The following RBFOX1 variants were observed in gnomAD, a reference collection of about 807,000 sequenced individuals.
RBFOX1 encodes the protein RNA binding protein fox-1 homolog 1.
A neutral mutation model predicts 57.7 loss-of-function variants in RBFOX1; 8 were observed. The ratio of observed to expected loss-of-function variants is 0.14; its 90% CI spans 0.08 to 0.25. The LOEUF (loss-of-function observed/expected upper bound fraction) is 0.25. Among genes scored for constraint, RBFOX1 ranks in the 10% least tolerant of loss-of-function variants. RBFOX1 has a pLI of 1.00. For missense variants in RBFOX1, 611 were observed against 548.5 expected (o/e 1.11, Z -1.14); for synonymous variants, 326 against 222.4 (o/e 1.47, Z -4.15).
chr16:6,727,131 T>TAA (rs1555736685), intron 3 of RBFOX1, among the ~76,000 whole-genome samples: 1 of 148,490 alleles, frequency 6.7e-6, no homozygotes, highest in Non-Finnish European at 1.5e-5. Flanking sequence ...TGTGTATATA[T>TAA]AAAACATGTA....
chr16:5,899,407 C>G (rs983215241), intron 4 of RBFOX1, among the ~76,000 whole-genome samples: 1 of 151,988 alleles, frequency 6.6e-6, no homozygotes, highest in Admixed American at 6.6e-5. Context: ...GAGGTGGTGA[C>G]AAGCTGAGAC....
intron 3 of RBFOX1, among the ~76,000 whole-genome samples, chr16:5,861,282 C>A (rs952894345): frequency 6.6e-6 from 1 of 152,150 alleles, no homozygotes; most frequent in East Asian, 1.9e-4. Context: ...ATGCTTACAC[C>A]CCCGTGCCAC....
chr16:7,707,852 C>G (rs879112601), intron 14 of RBFOX1, among the ~76,000 whole-genome samples: 5 of 152,192 alleles, frequency 3.3e-5, no homozygotes, highest in African/African-American at 1.2e-4. Context: ...TTGCCCCTCT[C>G]TTCCTCTTGA....
chr16:7,175,249 C>T (rs1051333362), intron 4 of RBFOX1, among the ~76,000 whole-genome samples: 12 of 151,816 alleles, frequency 7.9e-5, no homozygotes, highest in African/African-American at 2.7e-4. Flanking sequence ...TCTCCCTGTG[C>T]CCATGTATTT....
chr16:6,495,137 G>T (rs369463860), intron 2 of RBFOX1, among the ~76,000 whole-genome samples: 3 of 152,044 alleles, frequency 2.0e-5, no homozygotes, highest in Non-Finnish European at 4.4e-5. Flanking sequence ...TATTTATTTT[G>T]AGATGAACTT....
intron 3 of RBFOX1, among the ~76,000 whole-genome samples, chr16:6,923,458 G>A (rs1053272803): frequency 2.6e-5 from 4 of 152,134 alleles, no homozygotes; most frequent in Non-Finnish European, 5.9e-5. Context: ...GCTGGAAACC[G>A]GGAGGTGGAG....
chr16:7,204,513 A>G (rs1414361367), intron 4 of RBFOX1, among the ~76,000 whole-genome samples: 1 of 152,128 alleles, frequency 6.6e-6, no homozygotes, highest in Middle Eastern at 3.2e-3. Context: ...AGGCATGGTG[A>G]TATGCACCTG....
In RBFOX1 at chr16:5,244,111, G is replaced by C. The variant is rs2062235707; in HGVS notation, c.219+4006G>C. Reference sequence around the variant, plus strand: ...GAGGTTTCACCACGTTGGCCAGGCTGGTCTCAAACTCCTGACCTGAGGTGA... The same window carrying C: ...GAGGTTTCACCACGTTGGCCAGGCTCGTCTCAAACTCCTGACCTGAGGTGA... On this transcript the variant is annotated intron_variant, in intron 1 of 2. Coordinates refer to the RBFOX1 transcript ENST00000585867. 2.0e-5 allele frequency among the ~76,000 whole-genome samples: 3 copies of C among 152,104 alleles called. No homozygotes were observed. The South Asian group carries it at 6.2e-4, about 31-fold the overall frequency.
intron 2 of RBFOX1, among the ~76,000 whole-genome samples, chr16:6,532,544 T>A (rs534571491): frequency 6.6e-6 from 1 of 152,158 alleles, no homozygotes; most frequent in African/African-American, 2.4e-5. Context: ...ACCCTTTAAA[T>A]ATTCATCTCC....
At chr16:6,518,845 ATCTG>A (rs71145241) in intron 2 of RBFOX1, among the ~76,000 whole-genome samples, 37,283 of 104,482 alleles carry the variant, frequency 0.36, 5,191 homozygotes, top group Middle Eastern at 0.42. Flanking sequence ...CTATCTATCT[ATCTG>A]TCTTCCTGCA....
intron 2 of RBFOX1, among the ~76,000 whole-genome samples, chr16:5,474,712 C>T (rs1457231547): frequency 6.6e-6 from 1 of 151,476 alleles, no homozygotes; most frequent in Non-Finnish European, 1.5e-5. Context: ...TATGACAAAC[C>T]TTATTTATTT....
intron 4 of RBFOX1, among the ~76,000 whole-genome samples, chr16:5,875,479 C>G (rs190093844): frequency 1.3e-5 from 2 of 152,102 alleles, no homozygotes; most frequent in Admixed American, 1.3e-4. Context: ...AAAGAATGAA[C>G]CTTATGGCTT....
intron 1 of RBFOX1, among the ~76,000 whole-genome samples, chr16:6,108,119 T>C (rs2096404067): frequency 6.6e-6 from 1 of 152,214 alleles, no homozygotes. Flanking sequence ...ATGTATTACT[T>C]CTTAAAAAAA....
intron 3 of RBFOX1, among the ~76,000 whole-genome samples, chr16:6,809,903 G>T (rs1372990218): frequency 6.6e-6 from 1 of 151,918 alleles, no homozygotes; most frequent in African/African-American, 2.4e-5. Flanking sequence ...AGTTGCTTTT[G>T]TACAAATGAA....
rs372023066 is a variant in RBFOX1, at chr16:7,143,929, A to G, written c.27+91831A>G. The stretch of plus-strand genomic sequence containing the variant: ...TTACTGTAATGTCTATTCACAGACA[A>G]TGGAATAATCTTGTTAGTTTTTTTT... On this transcript the variant is annotated intron_variant, in intron 4 of 15. Transcript: ENST00000550418. Among the ~76,000 whole-genome samples the G allele has an allele frequency of 8.5e-5, 13 of 152,296 alleles. No homozygotes were observed. The South Asian group carries it at 1.0e-3, about 12-fold the overall frequency.
chr16:6,660,776 T>C (rs1248395072), intron 3 of RBFOX1, among the ~76,000 whole-genome samples: 3 of 152,044 alleles, frequency 2.0e-5, no homozygotes, highest in Admixed American at 1.3e-4. Flanking sequence ...TTATTTTTGC[T>C]GGTATCCACA....
intron 4 of RBFOX1, among the ~76,000 whole-genome samples, chr16:7,481,088 C>T (rs769872911): frequency 1.3e-5 from 2 of 152,168 alleles, no homozygotes; most frequent in African/African-American, 2.4e-5. Context: ...CTCCTTACAT[C>T]TGGACAGTTG....
intron 2 of RBFOX1, among the ~76,000 whole-genome samples, chr16:5,535,814 C>T (rs537457531): frequency 6.0e-4 from 92 of 152,278 alleles, no homozygotes; most frequent in African/African-American, 2.1e-3. Context: ...TCACCACATT[C>T]GACAAAAGAC....
intron 5 of RBFOX1, among the ~76,000 whole-genome samples, chr16:7,563,430 T>C (rs776346157): frequency 2.0e-5 from 3 of 152,194 alleles, no homozygotes; most frequent in Non-Finnish European, 4.4e-5. Context: ...TCTATAAATG[T>C]GTCTTGTTGT....
Sources: allele counts gnomAD v4.1 joint callset (sites outside exome capture counted in the v4.1 genomes callset), GRCh38; gene constraint gnomAD v4.1.1; transcripts MANE v1.5; gene names NCBI Gene and HGNC (gene_info 2026-07-23, HGNC 2026-07-21).